Variants in PHC2 observed in about 807,000 individuals in gnomAD.
PHC2 encodes the protein polyhomeotic homolog 2, also known as polyhomeotic-like protein 2.
PHC2 carries 29 observed loss-of-function variants against 87.4 expected under a neutral mutation model. The observed-to-expected ratio is 0.33, with a 90% CI of 0.25 to 0.45. The LOEUF is 0.45. Among genes scored for constraint, PHC2 ranks in the 20% least tolerant of loss-of-function variants. The probability of loss-of-function intolerance (pLI) is 1.00; values close to 1 mark genes in which losing one functional copy is unlikely to be tolerated. For missense variants in PHC2, 857 were observed against 1,136.7 expected (o/e 0.75, Z 3.54); for synonymous variants, 438 against 461.7 (o/e 0.95, Z 0.66).
chr1:33,363,680 C>G, intron 7 of PHC2: 1 of 908,864 alleles, frequency 1.1e-6, no homozygotes, highest in African/African-American at 1.8e-5. Flanking sequence ...TTCAACAACC[C>G]GACAGTTCCC....
Position 33,368,505 on chromosome 1 carries a change from C to T in PHC2, c.663+31G>A. 1 of 1,258,794 alleles carries T rather than the reference C, an allele frequency of 7.9e-7. No individual in the cohort carries two copies. 78.0% of individuals were successfully genotyped at this position (1,258,794 alleles called of 1,614,324 possible). Reference sequence around the variant, plus strand: ...TGCCCCTCTACAGGGGTGCCCACCCCCCTGCCCTCCCACAAGCATGGAGTC... The same window carrying T: ...TGCCCCTCTACAGGGGTGCCCACCCTCCTGCCCTCCCACAAGCATGGAGTC... On this transcript the variant is annotated intron_variant, in intron 6 of 14. Transcript: ENST00000683057. The surrounding 1 kb of genome is among the most constrained non-coding windows in gnomAD (Gnocchi z 6.6).
At chr1:33,399,833 A>C (rs1649447953) in intron 1 of PHC2, among the ~76,000 whole-genome samples, 1 of 151,806 alleles carries the variant, frequency 6.6e-6, no homozygotes, top group Non-Finnish European at 1.5e-5. Context: ...GGGGAGCTTT[A>C]AAATGTTTAC....
intron 1 of PHC2, among the ~76,000 whole-genome samples, chr1:33,401,305 G>A (rs1222637321): frequency 2.0e-5 from 3 of 151,876 alleles, no homozygotes; most frequent in Non-Finnish European, 4.4e-5. Context: ...CAGCCTGGGC[G>A]ACAGAGCCAG....
chr1:33,411,441 T>C lies in PHC2; in HGVS notation c.-55+19535A>G, dbSNP rs186121768. 1.6e-3 allele frequency among the ~76,000 whole-genome samples: 242 copies of C among 151,596 alleles called. 2 individuals carry two copies. The highest frequency in any genetic ancestry group is 2.8e-3 in the Non-Finnish European group (188 of 67,948). The stretch of plus-strand genomic sequence containing the variant: ...ATGCACAGAGAAACATACTGGAACA[T>C]CTCTGTTTTTTGTTGTTGTTGTTGT... On this transcript the variant is annotated intron_variant, in intron 1 of 14. Transcript: ENST00000683057.
chr1:33,367,129 G>C lies in PHC2; in HGVS notation c.963C>G (p.Pro321=), dbSNP rs139330053. The C allele has an allele frequency of 4.1e-4, 655 of 1,606,388 alleles. 4 individuals are homozygous for C. Among genetic ancestry groups the C allele is most frequent in the South Asian group, 3.4e-3 (305 of 90,588 alleles). ...SRTVPAVAAH[P]LIAPAYAQLQ... ...TGAAGACCTTACCTGGTGCAATGAGGGGGTGGGCAGCCACAGCAGGAACCG... is the reference window on the plus strand; with the variant it reads ...TGAAGACCTTACCTGGTGCAATGAGCGGGTGGGCAGCCACAGCAGGAACCG... Residue 321 remains proline, a synonymous_variant, in exon 7 of 15, where the codon CCC becomes CCG. Coordinates refer to ENST00000683057, the MANE Select transcript of PHC2 (RefSeq NM_001385109.1).
Position 33,335,999 on chromosome 1 carries a change from T to TTGTTG in PHC2, c.1559-1708_1559-1707insCAACA, listed in dbSNP as rs1557820399. ...TTTTGTTGTTGTTGTTGTTGTTGTT[T>TTGTTG]TTTTTTTTAGATGGAGTCTCACTCT... is the stretch of plus-strand genomic sequence containing the variant. On this transcript the variant is annotated intron_variant, in intron 9 of 14. Coordinates refer to ENST00000683057, the MANE Select transcript of PHC2 (RefSeq NM_001385109.1). 5.3e-5 allele frequency among the ~76,000 whole-genome samples: 7 copies of TTGTTG among 133,302 alleles called. No individual in the cohort carries two copies. In the East Asian group the frequency reaches 6.4e-4, roughly 12 times the overall value. 87.5% of individuals were successfully genotyped at this position (133,302 alleles called of 152,430 possible).
rs1222675094 is a variant in PHC2 at position 33,372,459 on chromosome 1, G to C, written c.175-12C>G. ...GCCTGCTGGATCACCTGAGAAGGGA[G>C]GGAGGGGGAAGAGCCAGGCTGGTAG... On this transcript the variant is annotated splice_polypyrimidine_tract_variant and intron_variant, in intron 2 of 14. Coordinates refer to ENST00000683057, the MANE Select transcript of PHC2 (RefSeq NM_001385109.1). 2.0e-6 allele frequency: 3 copies of C among 1,534,054 alleles called. No homozygotes were observed. The African/African-American group carries it at 4.1e-5, about 21-fold the overall frequency.
rs373301304 is a variant in PHC2, at chr1:33,354,480, A to T, written c.1479T>A (p.His493Gln). ...VPETRSGPSPHQQAIVTAMPG... is the reference protein window; with the variant it reads ...VPETRSGPSPQQQAIVTAMPG... ...GCATGGCAGTGACAATAGCCTGCTG[A>T]TGTGGTGATGGGCCAGACCGCGTCT... Residue 493 changes from histidine to glutamine, a missense_variant, in exon 9 of 15, where the codon CAT becomes CAA. His to Gln is a conservative substitution (Grantham distance 24). Around this residue, in one of 3 missense-constraint regions of PHC2, gnomAD observed 832 missense variants for 1,081.8 expected, o/e 0.77. Coordinates refer to ENST00000683057, the MANE Select transcript of PHC2 (RefSeq NM_001385109.1). 1 of 1,614,022 alleles carries T rather than the reference A, an allele frequency of 6.2e-7. No individual in the cohort carries two copies. The highest frequency in any genetic ancestry group is 1.3e-5 in the African/African-American group (1 of 74,996).
chr1:33,386,060 GT>G lies in PHC2; in HGVS notation c.-54-10468del, dbSNP rs2148353581. Among the ~76,000 whole-genome samples, 2 of 151,726 alleles carry G rather than the reference GT, an allele frequency of 1.3e-5. 1 individual carries two copies. The highest frequency in any genetic ancestry group is 4.2e-4 in the South Asian group (2 of 4,780). On this transcript the variant is annotated intron_variant, in intron 1 of 14. Transcript: ENST00000683057. ...GATCCACCTGCCTCGGCCTCCCAAA[GT>G]GCTGGGATTACAGGCGTGAGCCACT...
At chr1:33,361,724 G>A (rs770599890) in intron 7 of PHC2, among the ~76,000 whole-genome samples, 1 of 152,228 alleles carries the variant, frequency 6.6e-6, no homozygotes, top group Non-Finnish European at 1.5e-5. Flanking sequence ...ATATCCTGGC[G>A]ATCAGTTCAG....
At chr1:33,353,517 T>C (rs1456910851) in intron 9 of PHC2, 1 of 152,302 alleles carries the variant, frequency 6.6e-6, no homozygotes, top group East Asian at 1.9e-4. Context: ...CCATATTCTC[T>C]TCCTTGATCC....
At chr1:33,354,792 G>T in intron 8 of PHC2, 46 bp downstream of exon 8, 1 of 1,581,962 alleles carries the variant, frequency 6.3e-7, no homozygotes, top group Non-Finnish European at 8.6e-7. Flanking sequence ...CGTCCGAGCT[G>T]TGGCCACCCC....
chr1:33,364,133 A>G lies in PHC2; in HGVS notation c.976+2983T>C, dbSNP rs930251455. 2.6e-5 allele frequency among the ~76,000 whole-genome samples: 4 copies of G among 151,806 alleles called. No individual in the cohort carries two copies. Among genetic ancestry groups the G allele is most frequent in the African/African-American group, 9.7e-5 (4 of 41,348 alleles). On this transcript the variant is annotated intron_variant, in intron 7 of 14. Transcript: ENST00000683057. This position sits in a 1 kb window ranked among gnomAD's most constrained non-coding sequence, Gnocchi z 4.1. ...GCCATGGGGGAGGGGCTTTGCCCCC[A>G]AACAGCTGTCAGTGGGAGCAGTCCC...
At chr1:33,329,900 T>C (rs1222881523) in intron 13 of PHC2, among the ~76,000 whole-genome samples, 171 bp downstream of exon 13, 3 of 152,142 alleles carry the variant, frequency 2.0e-5, no homozygotes, top group Non-Finnish European at 2.9e-5. Context: ...TGGGTCTAAA[T>C]GAAGGGACCT....
intron 9 of PHC2, chr1:33,347,101 G>T: frequency 1.0e-6 from 1 of 985,532 alleles, no homozygotes; most frequent in Non-Finnish European, 1.2e-6. Flanking sequence ...ACAGGAAAAA[G>T]GATGTGGTCT....
chr1:33,405,513 A>T (rs1649723703), intron 1 of PHC2, among the ~76,000 whole-genome samples: 1 of 152,128 alleles, frequency 6.6e-6, no homozygotes, highest in South Asian at 2.1e-4. Context: ...GTCTTTAAAA[A>T]GAATCACCTT....
At chr1:33,344,836 T>A (rs1443759892) in intron 9 of PHC2, among the ~76,000 whole-genome samples, 1 of 152,248 alleles carries the variant, frequency 6.6e-6, no homozygotes, top group African/African-American at 2.4e-5. Flanking sequence ...CTCGAACTCC[T>A]GCGCTCAAGT....
intron 7 of PHC2, among the ~76,000 whole-genome samples, chr1:33,356,276 T>TATAATATATATATATATAC (rs1557831073): frequency 1.7e-5 from 1 of 59,472 alleles, no homozygotes; most frequent in South Asian, 5.2e-4. Context: ...TATATATATA[T>TATAATATATATATATATAC]GTATATATAT....
intron 1 of PHC2, among the ~76,000 whole-genome samples, chr1:33,422,021 A>G (rs1650454073): frequency 6.6e-6 from 1 of 152,158 alleles, no homozygotes; most frequent in South Asian, 2.1e-4. Context: ...CCTACTTTTC[A>G]GCCTTATTTC....
Sources: allele counts gnomAD v4.1 joint callset (sites outside exome capture counted in the v4.1 genomes callset), GRCh38; gene constraint gnomAD v4.1.1; regional missense constraint gnomAD v4.1.1; non-coding constraint Gnocchi (gnomAD v3.1); transcripts MANE v1.5; gene names NCBI Gene and HGNC (gene_info 2026-07-23, HGNC 2026-07-21).